LRMDA: variants seen among roughly 807,000 people sequenced by gnomAD.
LRMDA encodes leucine rich melanocyte differentiation associated.
LRMDA carries 18 observed loss-of-function variants against 29.8 expected under a neutral mutation model. The ratio of observed to expected loss-of-function variants is 0.60; its 90% CI spans 0.42 to 0.90. LRMDA has a LOEUF of 0.90. Among genes scored for constraint, LRMDA ranks in the 40% least tolerant of loss-of-function variants. LRMDA has a pLI of 0.00. For missense variants in LRMDA, 273 were observed against 273.9 expected, an observed-to-expected ratio of 1.00 and a Z score of 0.02; for synonymous variants, 125 against 109.4, an observed-to-expected ratio of 1.14 and a Z score of -0.89.
intron 2 of LRMDA, among the ~76,000 whole-genome samples, chr10:75,601,959 T>C (rs1372696518): frequency 2.0e-5 from 3 of 152,214 alleles, no homozygotes; most frequent in Non-Finnish European, 4.4e-5. Context: ...ATTTTCTTAA[T>C]GAGAAAAATA....
intron 2 of LRMDA, among the ~76,000 whole-genome samples, chr10:75,943,351 T>G (rs2132412164): frequency 6.6e-6 from 1 of 152,300 alleles, no homozygotes; most frequent in East Asian, 1.9e-4. Context: ...GAAAGTACTA[T>G]TCTCCCACCA....
chr10:76,528,156 A>G (rs929201386), intron 6 of LRMDA, among the ~76,000 whole-genome samples: 2 of 152,174 alleles, frequency 1.3e-5, no homozygotes, highest in African/African-American at 2.4e-5. Flanking sequence ...GCATTCACTT[A>G]GGAATCTATT....
At chr10:76,182,561 T>C (rs558091831) in intron 5 of LRMDA, among the ~76,000 whole-genome samples, 1 of 152,300 alleles carries the variant, frequency 6.6e-6, no homozygotes, top group African/African-American at 2.4e-5. Flanking sequence ...ACAGTGTTCA[T>C]GTTGTGTCCT....
chr10:75,614,291 T>C (rs1418071364), intron 2 of LRMDA, among the ~76,000 whole-genome samples: 1 of 152,098 alleles, frequency 6.6e-6, no homozygotes, highest in Non-Finnish European at 1.5e-5. Flanking sequence ...GATAAGACGT[T>C]TTTATAATGC....
At chr10:76,489,834 G>A (rs2637233) in intron 6 of LRMDA, among the ~76,000 whole-genome samples, 115,434 of 150,768 alleles carry the variant, frequency 0.77, 44,874 homozygotes, top group Non-Finnish European at 0.85. Context: ...CCAATTATAT[G>A]TATATATATA....
At chr10:75,739,065 G>T (rs540820989) in intron 2 of LRMDA, among the ~76,000 whole-genome samples, 1 of 152,188 alleles carries the variant, frequency 6.6e-6, no homozygotes, top group Non-Finnish European at 1.5e-5. Flanking sequence ...CTGTGTGGCC[G>T]CTGCGAGAGG....
intron 2 of LRMDA, among the ~76,000 whole-genome samples, chr10:75,552,949 T>C (rs1018245337): frequency 6.6e-6 from 1 of 152,164 alleles, no homozygotes; most frequent in Non-Finnish European, 1.5e-5. Flanking sequence ...AATTATTTAT[T>C]CATTCATGTT....
chr10:75,803,559 T>G (rs1030245489), intron 2 of LRMDA, among the ~76,000 whole-genome samples: 4 of 152,302 alleles, frequency 2.6e-5, no homozygotes, highest in East Asian at 1.9e-4. Context: ...GGCAAATTAT[T>G]TAACCTCTCT....
chr10:75,563,917 G>A (rs571379547), intron 2 of LRMDA, among the ~76,000 whole-genome samples: 23 of 152,280 alleles, frequency 1.5e-4, no homozygotes, highest in South Asian at 2.1e-4. Flanking sequence ...GTACCCGGCC[G>A]TGTGAGGTGT....
At chr10:75,795,918 T>G (rs1246952695) in intron 2 of LRMDA, among the ~76,000 whole-genome samples, 3 of 152,204 alleles carry the variant, frequency 2.0e-5, no homozygotes, top group Non-Finnish European at 4.4e-5. Context: ...TTAGTGGAGG[T>G]CTTGTACAAC....
intron 5 of LRMDA, among the ~76,000 whole-genome samples, chr10:76,132,260 G>T (rs1850006373): frequency 6.6e-6 from 1 of 152,156 alleles, no homozygotes; most frequent in Non-Finnish European, 1.5e-5. Flanking sequence ...GAAGCAGGAA[G>T]GCAGGGTGAG....
At chr10:76,034,167 T>C (rs1848199933) in intron 2 of LRMDA, among the ~76,000 whole-genome samples, 1 of 152,110 alleles carries the variant, frequency 6.6e-6, no homozygotes, top group Non-Finnish European at 1.5e-5. Flanking sequence ...TAGATGTGCG[T>C]ACATTGTGGG....
At chr10:76,242,587 G>A (rs2132286691) in intron 5 of LRMDA, among the ~76,000 whole-genome samples, 1 of 152,186 alleles carries the variant, frequency 6.6e-6, no homozygotes, top group South Asian at 2.1e-4. Flanking sequence ...TTCACATGGT[G>A]TTCTCCTCTC....
intron 2 of LRMDA, among the ~76,000 whole-genome samples, chr10:75,635,539 C>A (rs185504464): frequency 6.6e-6 from 1 of 152,136 alleles, no homozygotes; most frequent in Non-Finnish European, 1.5e-5. Flanking sequence ...ACCAGGAGGC[C>A]TAATTTCTGT....
intron 2 of LRMDA, among the ~76,000 whole-genome samples, chr10:75,540,211 G>A (rs1840000020): frequency 1.3e-5 from 2 of 152,174 alleles, no homozygotes. Context: ...TCTGAGAAGT[G>A]ACATTTAAGC....
intron 5 of LRMDA, among the ~76,000 whole-genome samples, chr10:76,138,037 T>A (rs1850129618): frequency 6.6e-6 from 1 of 152,184 alleles, no homozygotes; most frequent in Non-Finnish European, 1.5e-5. Flanking sequence ...ATTGCCCTTT[T>A]GCAACTGTAG....
chr10:75,947,102 T>A (rs1846489043), intron 2 of LRMDA, among the ~76,000 whole-genome samples: 1 of 152,162 alleles, frequency 6.6e-6, no homozygotes, highest in Non-Finnish European at 1.5e-5. Context: ...TCTAAACCAT[T>A]TTATCTGGGG....
chr10:76,475,216 G>A (rs1364905098), intron 6 of LRMDA, among the ~76,000 whole-genome samples: 2 of 151,688 alleles, frequency 1.3e-5, no homozygotes, highest in Non-Finnish European at 2.9e-5. Context: ...TGGTGGGCAT[G>A]GGATTTCTTT....
intron 6 of LRMDA, among the ~76,000 whole-genome samples, chr10:76,477,738 A>T (rs913530875): frequency 6.6e-5 from 10 of 152,152 alleles, no homozygotes; most frequent in African/African-American, 2.2e-4. Context: ...AGCCCTCAGA[A>T]ATAATACCAC....
Sources: allele counts gnomAD v4.1 joint callset (sites outside exome capture counted in the v4.1 genomes callset), GRCh38; gene constraint gnomAD v4.1.1; transcripts MANE v1.5; gene names NCBI Gene and HGNC (gene_info 2026-07-23, HGNC 2026-07-21).